RAD21: variants seen among roughly 807,000 people sequenced by gnomAD.
RAD21 encodes double-strand-break repair protein rad21 homolog.
RAD21 carries 18 observed loss-of-function variants against 71.5 expected under a neutral mutation model. The observed-to-expected ratio is 0.25, with a 90% confidence interval of 0.17 to 0.37. The LOEUF is 0.37. RAD21 is among the 10% of genes least tolerant of loss of function. The pLI, the probability that RAD21 is intolerant of heterozygous loss-of-function variation, is 1.00. For synonymous variants in RAD21, 248 were observed against 254.0 expected (o/e 0.98, Z 0.22); for missense variants, 493 against 769.1 (o/e 0.64, Z 4.25).
intron 1 of RAD21, among the ~76,000 whole-genome samples, chr8:116,873,856 T>C (rs1812899279): frequency 6.6e-6 from 1 of 152,158 alleles, no homozygotes; most frequent in African/African-American, 2.4e-5. Flanking sequence ...AGAGCGTCTC[T>C]ACAACACCCG....
chr8:116,856,528 C>T, intron 7 of RAD21, 118 bp downstream of exon 7: 1 of 1,294,736 alleles, frequency 7.7e-7, no homozygotes, highest in African/African-American at 1.5e-5. Context: ...AAGCACTGTA[C>T]TTAAAGATAT....
At position 116,873,646 on chromosome 8, in the gene RAD21, T is replaced by TC. The variant is rs533722431; in HGVS notation, c.-33+964dup. ...CTTCGCACAAACGCTGTTTTTTTTT[T>TC]CACGCTGAAGACACTAACAAATCAG... is the stretch of plus-strand genomic sequence containing the variant. On this transcript the variant is annotated intron_variant, in intron 1 of 13. Transcript: ENST00000297338. Among the ~76,000 whole-genome samples, 82 of 152,112 alleles carry TC rather than the reference T, an allele frequency of 5.4e-4. 1 individual carries two copies. The highest frequency in any genetic ancestry group is 4.2e-4 in the South Asian group (2 of 4,812).
chr8:116,857,883 G>C (rs1161726905), intron 5 of RAD21, among the ~76,000 whole-genome samples: 1 of 152,174 alleles, frequency 6.6e-6, no homozygotes, highest in Non-Finnish European at 1.5e-5. Flanking sequence ...TGAAGTGGGA[G>C]GATCACTTGA....
intron 4 of RAD21, among the ~76,000 whole-genome samples, chr8:116,859,665 C>T (rs550079687): frequency 3.3e-5 from 5 of 152,196 alleles, no homozygotes; most frequent in African/African-American, 7.2e-5. Context: ...CCCCCACCCC[C>T]GCAATGTTTC....
chr8:116,861,810 T>A (rs777370843), intron 4 of RAD21, 31 bp downstream of exon 4: 16 of 1,538,668 alleles, frequency 1.0e-5, no homozygotes, highest in Non-Finnish European at 1.4e-5. Flanking sequence ...GCAGACCAAG[T>A]CAACAATTTT....
At chr8:116,865,748 A>G (rs542988021) in intron 2 of RAD21, among the ~76,000 whole-genome samples, 1 of 152,256 alleles carries the variant, frequency 6.6e-6, no homozygotes, top group South Asian at 2.1e-4. Context: ...CATGTACACA[A>G]GTTTTCTTTG....
chr8:116,856,613 C>G, intron 7 of RAD21, 33 bp downstream of exon 7: 2 of 1,549,956 alleles, frequency 1.3e-6, no homozygotes, highest in Non-Finnish European at 1.7e-6. Context: ...GCCATACAAT[C>G]ATCCCCAGAA....
chr8:116,861,573 T>C (rs1030444820), intron 4 of RAD21, among the ~76,000 whole-genome samples: 1 of 151,762 alleles, frequency 6.6e-6, no homozygotes, highest in Non-Finnish European at 1.5e-5. Flanking sequence ...ATAACAAGCG[T>C]ATCTGTTTCA....
Position 116,856,224 on chromosome 8 carries a change from T to G in RAD21, c.879A>C (p.Gln293His), listed in dbSNP as rs776042690. Residue 293 changes from glutamine to histidine, a missense_variant, in exon 8 of 14, where the codon CAA becomes CAC. Gln to His is a conservative substitution (Grantham distance 24). This residue lies in a region of RAD21 where 165 missense variants were observed against 229.6 expected (regional missense o/e 0.72). Transcript: ENST00000297338. ...CTTCCTCATTTGGAACAAGTGTTGT[T>G]TGATCAGTCATGGTTGGCATTGGTT... ...PVEPMPTMTDQTTLVPNEEEA... is the reference protein window; with the variant it reads ...PVEPMPTMTDHTTLVPNEEEA... 17 of 1,608,506 alleles carry G rather than the reference T, an allele frequency of 1.1e-5. No homozygotes were observed. The highest frequency in any genetic ancestry group is 1.4e-5 in the Non-Finnish European group (17 of 1,177,592).
chr8:116,851,999 A>T lies in RAD21; in HGVS notation c.1419T>A (p.Pro473=). 6.2e-7 allele frequency: 1 copy of T among 1,612,642 alleles called. No homozygotes were observed. Among genetic ancestry groups the T allele is most frequent in the Non-Finnish European group, 8.5e-7 (1 of 1,178,886 alleles). The change falls in exon 11 of 14, where the codon CCT becomes CCA. Residue 473 remains proline, a synonymous_variant. Coordinates refer to ENST00000297338, the MANE Select transcript of RAD21 (RefSeq NM_006265.3). ...IDESAMPPPP[P]QGVKRKAGQI... ...GTCCAGCTTTTCGCTTAACTCCCTG[A>T]GGTGGTGGTGGAGGCATAGCTGACT...
chr8:116,857,519 G>A, intron 5 of RAD21, 46 bp from the exon 6 acceptor site: 1 of 1,484,562 alleles, frequency 6.7e-7, no homozygotes, highest in Non-Finnish European at 9.3e-7. Flanking sequence ...ATTAGAAATA[G>A]CACTGTGATA....
intron 4 of RAD21, among the ~76,000 whole-genome samples, chr8:116,859,129 C>G (rs1415562204): frequency 6.8e-6 from 1 of 147,306 alleles, no homozygotes; most frequent in East Asian, 2.0e-4. Context: ...GCCGACATGT[C>G]AACTGGGGAC....
rs1812330565 is a variant in RAD21, at chr8:116,850,651, T to G, written c.1587A>C (p.Lys529Asn). The change falls in exon 12 of 14, where the codon AAA becomes AAC. Residue 529 changes from lysine to asparagine, a missense_variant. By Grantham distance (94) the Lys-to-Asn change is moderately conservative. This residue lies in a region of RAD21 where 225 missense variants were observed against 218.3 expected (regional missense o/e 1.03). Transcript: ENST00000297338. ...LELLPEKEKE[K>N]EKEKEDDEEE... ...CTTCATCATCTTCTTTTTCCTTCTC[T>G]TTCTCCTTCTCTTTTTCTGGCAGAA... is the stretch of plus-strand genomic sequence containing the variant. 1 of 1,610,166 alleles carries G rather than the reference T, an allele frequency of 6.2e-7. No homozygotes were observed. Among genetic ancestry groups the G allele is most frequent in the African/African-American group, 1.3e-5 (1 of 74,806 alleles).
At position 116,847,068 on chromosome 8, in the gene RAD21, T is replaced by G. The variant is rs79922526; in HGVS notation, c.*432A>C. 1,715 of 226,888 alleles carry G rather than the reference T, an allele frequency of 7.6e-3. 22 individuals carry two copies. Among genetic ancestry groups the G allele is most frequent in the African/African-American group, 0.034 (1,509 of 44,956 alleles). 14.1% of individuals were successfully genotyped at this position (226,888 alleles called of 1,614,324 possible). Reference sequence around the variant, plus strand: ...CAGTGTTACTGATGGAAAGAAGTGTTTGTTTGTTTTTTTTTCTTGTCAAAG... The same window carrying G: ...CAGTGTTACTGATGGAAAGAAGTGTGTGTTTGTTTTTTTTTCTTGTCAAAG... On this transcript the variant is annotated 3_prime_UTR_variant, in exon 14 of 14. Transcript: ENST00000297338.
In RAD21 at chr8:116,847,149, T is replaced by C. The variant is rs904724917; in HGVS notation, c.*351A>G. The C allele has an allele frequency of 4.0e-6, 1 of 250,608 alleles. No homozygotes were observed. The highest frequency in any genetic ancestry group is 7.7e-6 in the Non-Finnish European group (1 of 130,138). 15.5% of individuals were successfully genotyped at this position (250,608 alleles called of 1,614,324 possible). ...AGGCATTTTCTCAGACAGGTTTTCC[T>C]TTTCAATGCAGTAATGAAGAACTAA... On this transcript the variant is annotated 3_prime_UTR_variant, in exon 14 of 14. Coordinates refer to ENST00000297338, the MANE Select transcript of RAD21 (RefSeq NM_006265.3).
intron 1 of RAD21, among the ~76,000 whole-genome samples, chr8:116,868,352 C>T (rs781713174): frequency 5.9e-5 from 9 of 152,204 alleles, no homozygotes; most frequent in Admixed American, 2.0e-4. Context: ...TGTTGGACAG[C>T]ATTCCGTGAG....
At chr8:116,850,982 C>T (rs1249792079) in intron 11 of RAD21, 1 of 354,480 alleles carries the variant, frequency 2.8e-6, no homozygotes, top group Non-Finnish European at 5.1e-6. Context: ...AAACTGACTG[C>T]TTATCCTAAA....
intron 12 of RAD21, among the ~76,000 whole-genome samples, chr8:116,850,404 C>A (rs1323743935): frequency 6.6e-6 from 1 of 152,174 alleles, no homozygotes; most frequent in African/African-American, 2.4e-5. Flanking sequence ...TCCTTCAAAA[C>A]CCCACAAGAG....
rs771053519 is a variant in RAD21 at position 116,858,429 on chromosome 8, A to G, written c.404T>C (p.Leu135Ser). 6.2e-7 allele frequency: 1 copy of G among 1,613,176 alleles called. No individual in the cohort carries two copies. The highest frequency in any genetic ancestry group is 8.5e-7 in the Non-Finnish European group (1 of 1,179,538). ...DDIDVAQQFS[L>S]NQSRVEEITM... is the part of the protein sequence containing the mutation. ...TATCTCTTCCACTCTACTCTGATTC[A>G]AGCTGAACTGCTGGGCCACATCGAT... The change falls in exon 5 of 14, where the codon TTG becomes TCG. Residue 135 changes from leucine to serine, a missense_variant. Transcript: ENST00000297338.
Sources: gnomAD v4.1 joint callset for allele counts (sites outside exome capture counted in the v4.1 genomes callset) on GRCh38, gnomAD v4.1.1 for gene constraint, gnomAD v4.1.1 regional missense constraint, MANE v1.5 for transcripts, NCBI Gene and HGNC (gene_info 2026-07-23, HGNC 2026-07-21) for gene names.